The following JHY variants were observed in gnomAD, a reference collection of about 807,000 sequenced individuals.
JHY encodes the protein junctional cadherin complex regulator.
JHY carries 69 observed loss-of-function variants against 78.0 expected under a neutral mutation model. The ratio of observed to expected loss-of-function variants is 0.88; its 90% CI spans 0.73 to 1.08. JHY has a LOEUF of 1.08. JHY is among the 50% of genes least tolerant of loss of function. The pLI, the probability that JHY is intolerant of heterozygous loss-of-function variation, is 0.00. For missense variants in JHY, 944 were observed against 927.8 expected, an observed-to-expected ratio of 1.02 and a Z score of -0.23; for synonymous variants, 368 against 342.6, an observed-to-expected ratio of 1.07 and a Z score of -0.82.
At chr11:122,899,420 G>C (rs1463930737) in intron 2 of JHY, among the ~76,000 whole-genome samples, 1 of 152,172 alleles carries the variant, frequency 6.6e-6, no homozygotes, top group African/African-American at 2.4e-5. Context: ...TTCAGCACAA[G>C]ATAAGCCCTA....
chr11:122,957,811 T>TCTCACA (rs1555062665), intron 8 of JHY, among the ~76,000 whole-genome samples: 2 of 149,712 alleles, frequency 1.3e-5, no homozygotes, highest in Non-Finnish European at 3.0e-5. Flanking sequence ...ACACACACAG[T>TCTCACA]CACACACACA....
chr11:122,884,754 A>G (rs1862458774), intron 1 of JHY, among the ~76,000 whole-genome samples: 1 of 152,136 alleles, frequency 6.6e-6, no homozygotes, highest in African/African-American at 2.4e-5. Flanking sequence ...TCTGCTTTGG[A>G]TCGCTCAGTG....
rs776250719 is a variant in JHY, at chr11:122,957,328, A to G, written c.2011-35A>G. ...ATAGAGAGCAGAGAGAACTAGCAGC[A>G]CCTGGATTCATCATAACTTTGTTTC... is the stretch of plus-strand genomic sequence containing the variant. On this transcript the variant is annotated intron_variant, in intron 7 of 8. Coordinates refer to ENST00000227349, the MANE Select transcript of JHY (RefSeq NM_024806.4). 3 of 1,503,810 alleles carry G rather than the reference A, an allele frequency of 2.0e-6. No homozygotes were observed. In the East Asian group the frequency reaches 8.0e-5, roughly 40 times the overall value. The allele number at this position is 1,503,810 out of a possible 1,614,324, so 93.2% of individuals were successfully genotyped here. A position where few individuals can be genotyped will look rare whatever the true frequency, so the allele number is the denominator to read the frequency against.
intron 3 of JHY, among the ~76,000 whole-genome samples, chr11:122,923,876 C>G (rs1361971643): frequency 2.7e-5 from 4 of 147,420 alleles, no homozygotes; most frequent in African/African-American, 1.0e-4. Context: ...GTCACCACGC[C>G]TGGCTAATTT....
chr11:122,935,564 C>T lies in JHY; in HGVS notation c.1634+489C>T, dbSNP rs1863736528. Among the ~76,000 whole-genome samples, 1 of 152,100 alleles carries T rather than the reference C, an allele frequency of 6.6e-6. No homozygotes were observed. Among genetic ancestry groups the T allele is most frequent in the Non-Finnish European group, 1.5e-5 (1 of 68,024 alleles). ...GTCTACTTTTGATGGATTTCTTTTCCTCTTCCCTGTCTCCGCTATTTTTCC... is the reference window on the plus strand; with the variant it reads ...GTCTACTTTTGATGGATTTCTTTTCTTCTTCCCTGTCTCCGCTATTTTTCC... On this transcript the variant is annotated intron_variant, in intron 5 of 8. Transcript: ENST00000227349. This position sits in a 1 kb window ranked among gnomAD's most constrained non-coding sequence, Gnocchi z 4.5.
In JHY at chr11:122,935,750, T is replaced by G. The variant is rs1464455706; in HGVS notation, c.1634+675T>G. On this transcript the variant is annotated intron_variant, in intron 5 of 8. Coordinates refer to ENST00000227349, the MANE Select transcript of JHY (RefSeq NM_024806.4). The surrounding 1 kb of genome is among the most constrained non-coding windows in gnomAD (Gnocchi z 4.5). Reference sequence around the variant, plus strand: ...AAATAATCTAAAATACAGAAAAATATGCACATACAAAAAAATCATCATTTA... The same window carrying G: ...AAATAATCTAAAATACAGAAAAATAGGCACATACAAAAAAATCATCATTTA... Among the ~76,000 whole-genome samples the G allele has an allele frequency of 6.6e-6, 1 of 152,060 alleles. No individual in the cohort carries two copies. The highest frequency in any genetic ancestry group is 1.9e-4 in the East Asian group (1 of 5,192).
At chr11:122,923,302 G>T (rs890821495) in intron 3 of JHY, among the ~76,000 whole-genome samples, 1 of 152,220 alleles carries the variant, frequency 6.6e-6, no homozygotes, top group Non-Finnish European at 1.5e-5. Flanking sequence ...TATCATGCAT[G>T]AAACAGATTT....
intron 4 of JHY, among the ~76,000 whole-genome samples, chr11:122,930,326 C>T (rs533579666): frequency 1.3e-5 from 2 of 152,208 alleles, no homozygotes; most frequent in East Asian, 1.9e-4. Context: ...GTGATCCACC[C>T]GCCTCTACCT....
At chr11:122,896,958 G>A (rs1042287505) in intron 2 of JHY, among the ~76,000 whole-genome samples, 1 of 152,150 alleles carries the variant, frequency 6.6e-6, no homozygotes, top group Non-Finnish European at 1.5e-5. Context: ...CCAGGCTCAA[G>A]CAATTCTCCT....
chr11:122,939,761 T>C (rs1863834167), intron 5 of JHY, among the ~76,000 whole-genome samples: 2 of 152,302 alleles, frequency 1.3e-5, no homozygotes, highest in Admixed American at 1.3e-4. Flanking sequence ...ATCTATTTAC[T>C]GAATCATTTG....
chr11:122,946,725 G>A lies in JHY; in HGVS notation c.1862G>A (p.Ser621Asn). ...SQRNQVKISR[S>N]NSEGYLFQLE... ...AGAAACCAAGTGAAAATTAGCCGTA[G>A]CAATTCTGAAGGCTATCTGTTTCAA... is the stretch of plus-strand genomic sequence containing the variant. The change falls in exon 6 of 9, where the codon AGC becomes AAC. Residue 621 changes from serine to asparagine, a missense_variant. Physicochemically the swap from Ser to Asn is conservative, Grantham distance 46. Transcript: ENST00000227349. 1.9e-6 allele frequency: 3 copies of A among 1,614,074 alleles called. No individual in the cohort carries two copies. The highest frequency in any genetic ancestry group is 2.5e-6 in the Non-Finnish European group (3 of 1,179,998).
At chr11:122,950,331 G>A (rs943558202) in intron 6 of JHY, among the ~76,000 whole-genome samples, 2 of 152,182 alleles carry the variant, frequency 1.3e-5, no homozygotes, top group Non-Finnish European at 2.9e-5. Context: ...TTTTCGAGGT[G>A]AGGACAGCCT....
intron 6 of JHY, among the ~76,000 whole-genome samples, chr11:122,956,176 A>G (rs1418857631): frequency 4.6e-5 from 7 of 152,134 alleles, no homozygotes; most frequent in African/African-American, 1.7e-4. Context: ...AAAATAAAAT[A>G]AAAAACATTC....
rs369801729 is a variant in JHY, at chr11:122,955,496, ATATTAGGGTTTTT to A, written c.1930-998_1930-986del. 6.0e-3 allele frequency among the ~76,000 whole-genome samples: 908 copies of A among 152,272 alleles called. 10 individuals are homozygous for A. The highest frequency in any genetic ancestry group is 0.021 in the African/African-American group (877 of 41,544). On this transcript the variant is annotated intron_variant, in intron 6 of 8. Transcript: ENST00000227349. ...TATCAGGAGACAGATAGGCAGTAGA[ATATTAGGGTTTTT>A]TCCTGCCTATTATTGTGCTCAGGTG...
intron 5 of JHY, among the ~76,000 whole-genome samples, chr11:122,940,420 T>A (rs941781074): frequency 2.6e-5 from 4 of 152,100 alleles, no homozygotes; most frequent in Non-Finnish European, 4.4e-5. Context: ...TTAGAAAAAA[T>A]TTATTGTTTT....
At chr11:122,888,092 C>T (rs1862534788) in intron 2 of JHY, among the ~76,000 whole-genome samples, 1 of 151,970 alleles carries the variant, frequency 6.6e-6, no homozygotes, top group African/African-American at 2.4e-5. Flanking sequence ...GAATCAATCT[C>T]ATAAGTGTCT....
intron 6 of JHY, among the ~76,000 whole-genome samples, chr11:122,948,119 A>G (rs1864005077): frequency 6.6e-6 from 1 of 152,140 alleles, no homozygotes; most frequent in Non-Finnish European, 1.5e-5. Flanking sequence ...AATTAAGCAA[A>G]CCATTCCTAA....
Position 122,925,049 on chromosome 11 carries a change from A to G in JHY, c.978+39A>G, listed in dbSNP as rs772232219. 7.2e-6 allele frequency: 10 copies of G among 1,393,054 alleles called. No homozygotes were observed. The South Asian group carries it at 1.0e-4, about 15-fold the overall frequency. 86.3% of individuals were successfully genotyped at this position (1,393,054 alleles called of 1,614,324 possible). On this transcript the variant is annotated intron_variant, in intron 4 of 8. Coordinates refer to ENST00000227349, the MANE Select transcript of JHY (RefSeq NM_024806.4). Reference sequence around the variant, plus strand: ...TTGCATTTTAAGTGTGTTTCAAGCGATACTGCTGAATATAAGTAATGATCG... The same window carrying G: ...TTGCATTTTAAGTGTGTTTCAAGCGGTACTGCTGAATATAAGTAATGATCG...
At chr11:122,931,475 A>G (rs1314064374) in intron 4 of JHY, among the ~76,000 whole-genome samples, 1 of 152,250 alleles carries the variant, frequency 6.6e-6, no homozygotes, top group Non-Finnish European at 1.5e-5. Flanking sequence ...ATCTGAACAC[A>G]GAGTTCTTCC....
Sources: gnomAD v4.1 joint callset for allele counts (sites outside exome capture counted in the v4.1 genomes callset) on GRCh38, gnomAD v4.1.1 for gene constraint, Gnocchi (gnomAD v3.1) non-coding constraint, MANE v1.5 for transcripts, NCBI Gene and HGNC (gene_info 2026-07-23, HGNC 2026-07-21) for gene names.